R3HCC1L: variants seen among roughly 807,000 people sequenced by gnomAD.
R3HCC1L encodes the protein R3H domain and coiled-coil containing 1 like, also known as coiled-coil domain-containing protein R3HCC1L.
R3HCC1L carries 51 observed loss-of-function variants against 59.9 expected under a neutral mutation model. The observed-to-expected ratio is 0.85, with a 90% CI of 0.68 to 1.07. The LOEUF (loss-of-function observed/expected upper bound fraction) is 1.07, where lower values mean the gene tolerates loss of function less well. Among genes scored for constraint, R3HCC1L ranks in the 50% least tolerant of loss-of-function variants. The pLI is 0.00. For missense variants in R3HCC1L, 965 were observed against 933.0 expected (o/e 1.03, Z -0.45); for synonymous variants, 322 against 315.2 (o/e 1.02, Z -0.23).
intron 7 of R3HCC1L, among the ~76,000 whole-genome samples, 190 bp downstream of exon 7, chr10:98,234,706 T>A (rs1324563643): frequency 6.6e-6 from 1 of 152,214 alleles, no homozygotes; most frequent in East Asian, 1.9e-4. Context: ...CCAGTGGTAT[T>A]TGGAGAGATA....
intron 5 of R3HCC1L, among the ~76,000 whole-genome samples, chr10:98,210,227 A>G (rs1413777289): frequency 5.3e-5 from 8 of 152,148 alleles, no homozygotes; most frequent in Non-Finnish European, 1.2e-4. Flanking sequence ...ACATGGGCCT[A>G]TTTAAGGGAA....
intron 4 of R3HCC1L, among the ~76,000 whole-genome samples, chr10:98,204,831 G>A (rs777534551): frequency 3.3e-5 from 5 of 152,124 alleles, no homozygotes; most frequent in Non-Finnish European, 7.4e-5. Flanking sequence ...GTATGTATGT[G>A]TAGTAAAAGA....
intron 9 of R3HCC1L, among the ~76,000 whole-genome samples, chr10:98,239,685 T>C (rs940947000): frequency 1.3e-5 from 2 of 152,176 alleles, no homozygotes; most frequent in Admixed American, 1.3e-4. Context: ...GCTATATTTT[T>C]CACTCTACTT....
chr10:98,160,198 G>A (rs140937066), intron 2 of R3HCC1L, among the ~76,000 whole-genome samples: 205 of 152,284 alleles, frequency 1.3e-3, no homozygotes, highest in African/African-American at 4.4e-3. Context: ...AAGATACCTC[G>A]TAAGTAGAAT....
chr10:98,213,191 C>T (rs1304093426), intron 5 of R3HCC1L, among the ~76,000 whole-genome samples: 4 of 152,118 alleles, frequency 2.6e-5, no homozygotes, highest in Admixed American at 6.5e-5. Context: ...CCCAACCCCT[C>T]GAGGCCTCAT....
intron 4 of R3HCC1L, among the ~76,000 whole-genome samples, chr10:98,201,881 AT>A (rs145665708): frequency 0.15 from 21,944 of 143,272 alleles, 1,730 homozygotes; most frequent in African/African-American, 0.21. Context: ...GAAAGATGAG[AT>A]TTTTTTTTTT....
intron 4 of R3HCC1L, among the ~76,000 whole-genome samples, chr10:98,193,162 G>A (rs999982847): frequency 6.6e-6 from 1 of 152,020 alleles, no homozygotes; most frequent in African/African-American, 2.4e-5. Context: ...AAAACTCACA[G>A]CTAACATAAT....
intron 1 of R3HCC1L, among the ~76,000 whole-genome samples, chr10:98,150,744 T>C (rs1846075954): frequency 6.6e-6 from 1 of 152,208 alleles, no homozygotes; most frequent in Admixed American, 6.5e-5. Context: ...ACAGCTGTTT[T>C]GATTTGGCAT....
intron 4 of R3HCC1L, among the ~76,000 whole-genome samples, chr10:98,190,147 G>T (rs1850669922): frequency 6.6e-6 from 1 of 152,044 alleles, no homozygotes; most frequent in Admixed American, 6.6e-5. Flanking sequence ...CATTGTTAGG[G>T]AATAATAACG....
At chr10:98,175,019 T>A (rs1848868559) in intron 4 of R3HCC1L, among the ~76,000 whole-genome samples, 1 of 152,112 alleles carries the variant, frequency 6.6e-6, no homozygotes, top group South Asian at 2.1e-4. Context: ...CGGTTATATA[T>A]GGAAGAGATG....
At chr10:98,167,853 A>G (rs1219310405) in intron 4 of R3HCC1L, among the ~76,000 whole-genome samples, 2 of 152,244 alleles carry the variant, frequency 1.3e-5, no homozygotes, top group Admixed American at 6.5e-5. Flanking sequence ...TATGACACTT[A>G]GCTGAGATTG....
At chr10:98,192,839 C>G (rs770336386) in intron 4 of R3HCC1L, among the ~76,000 whole-genome samples, 8 of 152,188 alleles carry the variant, frequency 5.3e-5, no homozygotes, top group Non-Finnish European at 1.2e-4. Context: ...TATAAGAAAA[C>G]TACAGGCCAG....
In R3HCC1L at chr10:98,194,966, G is replaced by GTA. The variant is rs1564675377; in HGVS notation, c.-14-13129_-14-13128dup. 3.3e-5 allele frequency among the ~76,000 whole-genome samples: 5 copies of GTA among 152,172 alleles called. No individual in the cohort carries two copies. In the South Asian group the frequency reaches 1.0e-3, roughly 32 times the overall value. On this transcript the variant is annotated intron_variant, in intron 4 of 9. Coordinates refer to ENST00000298999, the MANE Select transcript of R3HCC1L (RefSeq NM_001351015.2). ...TATAAGCCAGCAGTCCCACTACTGG[G>GTA]TATATATTCCGAGGGAATGAGATTA...
chr10:98,208,400 A>G lies in R3HCC1L; in HGVS notation c.286A>G (p.Thr96Ala). The G allele has an allele frequency of 1.2e-6, 2 of 1,613,960 alleles. No individual in the cohort carries two copies. Among genetic ancestry groups the G allele is most frequent in the Non-Finnish European group, 1.7e-6 (2 of 1,179,992 alleles). Residue 96 changes from threonine to alanine, a missense_variant, in exon 5 of 10, where the codon ACA becomes GCA. Coordinates refer to ENST00000298999, the MANE Select transcript of R3HCC1L (RefSeq NM_001351015.2). ...ATCTTCAACAAAATTAAGAATGGAC[A>G]CATGCCTTCAAAAAACAAATAGAGT... Reference protein sequence around the residue: ...KKSSTKLRMDTCLQKTNRVCS... With the variant: ...KKSSTKLRMDACLQKTNRVCS...
chr10:98,211,366 A>G lies in R3HCC1L; in HGVS notation c.1785+1467A>G, dbSNP rs144856774. The G allele has an allele frequency of 3.4e-4, 518 of 1,528,576 alleles. 1 individual carries two copies. The African/African-American group carries it at 5.8e-3, about 17-fold the overall frequency. The allele number at this position is 1,528,576 out of a possible 1,614,324, so 94.7% of individuals were successfully genotyped here. A position where few individuals can be genotyped will look rare whatever the true frequency, so the allele number is the denominator to read the frequency against. The stretch of plus-strand genomic sequence containing the variant: ...GCTCAAAGGTAATACACTTAAATCT[A>G]TATCAGAATGTGAGTAGGGAACTGC... On this transcript the variant is annotated intron_variant, in intron 5 of 9. Coordinates refer to ENST00000298999, the MANE Select transcript of R3HCC1L (RefSeq NM_001351015.2).
intron 1 of R3HCC1L, 115 bp downstream of exon 1, chr10:98,134,821 T>G (rs950227486): frequency 2.0e-5 from 3 of 152,260 alleles, no homozygotes; most frequent in Non-Finnish European, 4.4e-5. Flanking sequence ...TTGCTGGTAT[T>G]TTTTTTCCTC....
intron 1 of R3HCC1L, among the ~76,000 whole-genome samples, chr10:98,150,091 T>C (rs1385291691): frequency 6.6e-6 from 1 of 152,250 alleles, no homozygotes; most frequent in East Asian, 1.9e-4. Flanking sequence ...TGAGAGCCTC[T>C]AATGACTTTT....
chr10:98,161,653 G>A lies in R3HCC1L; in HGVS notation c.-212-1230G>A, dbSNP rs187162127. 6.0e-3 allele frequency among the ~76,000 whole-genome samples: 916 copies of A among 152,108 alleles called. 4 individuals carry two copies. The highest frequency in any genetic ancestry group is 9.3e-3 in the Non-Finnish European group (634 of 67,976). On this transcript the variant is annotated intron_variant, in intron 2 of 9. Coordinates refer to ENST00000298999, the MANE Select transcript of R3HCC1L (RefSeq NM_001351015.2). ...GGATCCTTGATCCATTTGGAGGTAC[G>A]GTTTCTTTAAAAATGAATAAAAAGA...
intron 1 of R3HCC1L, among the ~76,000 whole-genome samples, chr10:98,151,071 C>T (rs961490998): frequency 6.6e-6 from 1 of 152,300 alleles, no homozygotes; most frequent in Admixed American, 6.5e-5. Context: ...TAGATTTTCT[C>T]ACTTCTCCAT....
Sources: allele counts gnomAD v4.1 joint callset (sites outside exome capture counted in the v4.1 genomes callset), GRCh38; gene constraint gnomAD v4.1.1; transcripts MANE v1.5; gene names NCBI Gene and HGNC (gene_info 2026-07-23, HGNC 2026-07-21).